GRIN2A: variants seen among roughly 807,000 people sequenced by gnomAD.
The protein encoded by GRIN2A is glutamate ionotropic receptor NMDA type subunit 2A.
Under a neutral mutation model 113.4 loss-of-function variants are expected in GRIN2A, and 22 were observed. The ratio of observed to expected loss-of-function variants is 0.19; its 90% confidence interval spans 0.14 to 0.28. The LOEUF (loss-of-function observed/expected upper bound fraction) is 0.28, where lower values mean the gene tolerates loss of function less well. GRIN2A is among the 10% of genes least tolerant of loss of function. The probability of loss-of-function intolerance (pLI) is 1.00; values close to 1 mark genes in which losing one functional copy is unlikely to be tolerated. For synonymous variants in GRIN2A, 827 were observed against 738.4 expected, an observed-to-expected ratio of 1.12 and a Z score of -1.94; for missense variants, 1,502 against 1,887.0, an observed-to-expected ratio of 0.80 and a Z score of 3.78.
chr16:9,791,049 G>A (rs375469670), intron 11 of GRIN2A, among the ~76,000 whole-genome samples: 1 of 152,174 alleles, frequency 6.6e-6, no homozygotes, highest in African/African-American at 2.4e-5. Context: ...AAAGAATTCT[G>A]ATTTTAAAAT....
intron 4 of GRIN2A, among the ~76,000 whole-genome samples, chr16:9,865,189 A>C (rs1197654402): frequency 6.6e-6 from 1 of 152,210 alleles, no homozygotes; most frequent in East Asian, 1.9e-4. Flanking sequence ...AGCTTTGCCC[A>C]GTTAAAAACG....
chr16:9,892,311 T>C (rs950291453), intron 3 of GRIN2A, among the ~76,000 whole-genome samples: 6 of 152,230 alleles, frequency 3.9e-5, no homozygotes, highest in South Asian at 2.1e-4. Flanking sequence ...ATCATGTCAA[T>C]TGAAGGCTGT....
At chr16:9,859,751 TCTC>T (rs2043031708) in intron 4 of GRIN2A, among the ~76,000 whole-genome samples, 1 of 152,070 alleles carries the variant, frequency 6.6e-6, no homozygotes, top group African/African-American at 2.4e-5. Flanking sequence ...CTGGAATTCT[TCTC>T]CTTATTATCT....
In GRIN2A at chr16:10,121,096, T is replaced by G. The variant is rs533085044; in HGVS notation, c.414+58902A>C. The stretch of plus-strand genomic sequence containing the variant: ...TATACTTTCATCGGTCCAACACTCT[T>G]GGTCAAAGCAGCAATCCACAGCAAG... On this transcript the variant is annotated intron_variant, in intron 2 of 12. Coordinates refer to ENST00000330684, the MANE Select transcript of GRIN2A (RefSeq NM_001134407.3). 4.6e-5 allele frequency among the ~76,000 whole-genome samples: 7 copies of G among 152,284 alleles called. No homozygotes were observed. The South Asian group carries it at 1.5e-3, about 32-fold the overall frequency.
intron 2 of GRIN2A, among the ~76,000 whole-genome samples, chr16:10,134,879 T>G: frequency 6.6e-6 from 1 of 152,260 alleles, no homozygotes; most frequent in East Asian, 1.9e-4. Flanking sequence ...ATACCTAATC[T>G]CTTCAAAGAG....
At chr16:9,847,530 A>G (rs2042793597) in intron 5 of GRIN2A, among the ~76,000 whole-genome samples, 1 of 151,916 alleles carries the variant, frequency 6.6e-6, no homozygotes, top group South Asian at 2.1e-4. Context: ...ACACCACTGC[A>G]CTCCAGCCTG....
chr16:10,058,425 A>C (rs767189202), intron 2 of GRIN2A, among the ~76,000 whole-genome samples: 15 of 152,252 alleles, frequency 9.9e-5, no homozygotes, highest in Non-Finnish European at 2.2e-4. Flanking sequence ...ATGCTAAATC[A>C]CAAGATCTGT....
At chr16:10,150,750 C>T (rs2049551619) in intron 2 of GRIN2A, among the ~76,000 whole-genome samples, 1 of 152,134 alleles carries the variant, frequency 6.6e-6, no homozygotes, top group South Asian at 2.1e-4. Flanking sequence ...TTTATCCATC[C>T]ACAGCACTCT....
chr16:10,111,904 C>A (rs775597564), intron 2 of GRIN2A: 13 of 842,052 alleles, frequency 1.5e-5, no homozygotes, highest in Non-Finnish European at 2.6e-5. Context: ...CACCACCCTC[C>A]TCAGTGAGGT....
intron 2 of GRIN2A, among the ~76,000 whole-genome samples, chr16:9,967,254 T>C (rs2045573667): frequency 6.6e-6 from 1 of 152,226 alleles, no homozygotes; most frequent in Non-Finnish European, 1.5e-5. Flanking sequence ...CACGGAATAC[T>C]ATTCAGTCAT....
chr16:10,097,475 T>C (rs571218582), intron 2 of GRIN2A, among the ~76,000 whole-genome samples: 1 of 152,278 alleles, frequency 6.6e-6, no homozygotes, highest in South Asian at 2.1e-4. Context: ...AGGAAAGGAA[T>C]GGAGTCTCCA....
rs58903398 is a variant in GRIN2A, at chr16:9,755,855, G to GAA, written c.*7292_*7293dup. On this transcript the variant is annotated 3_prime_UTR_variant, in exon 13 of 13. Coordinates refer to ENST00000330684, the MANE Select transcript of GRIN2A (RefSeq NM_001134407.3). The stretch of plus-strand genomic sequence containing the variant: ...ATTATCTCTAAGACAATTTGGAAAA[G>GAA]AAAAAAAAAAAGGAACAGACCAAGA... 23 of 172,198 alleles carry GAA rather than the reference G, an allele frequency of 1.3e-4. No homozygotes were observed. Among genetic ancestry groups the GAA allele is most frequent in the African/African-American group, 1.5e-4 (6 of 39,266 alleles). 10.7% of individuals were successfully genotyped at this position (172,198 alleles called of 1,614,324 possible). A position where few individuals can be genotyped will look rare whatever the true frequency, so the allele number is the denominator to read the frequency against.
chr16:10,131,124 G>T (rs922830984), intron 2 of GRIN2A, among the ~76,000 whole-genome samples: 1 of 152,210 alleles, frequency 6.6e-6, no homozygotes, highest in Admixed American at 6.5e-5. Flanking sequence ...AGCGGCAGGG[G>T]CTGATCAAGA....
chr16:10,030,387 T>G (rs2046906644), intron 2 of GRIN2A, among the ~76,000 whole-genome samples: 1 of 152,168 alleles, frequency 6.6e-6, no homozygotes, highest in African/African-American at 2.4e-5. Flanking sequence ...CACTGCCTCC[T>G]TGGAAGACAC....
rs1900417383 is a variant in GRIN2A at position 9,757,823 on chromosome 16, GA to G, written c.*5325del. The G allele has an allele frequency of 2.7e-5, 6 of 223,808 alleles. No individual in the cohort carries two copies. The South Asian group carries it at 1.1e-3, about 41-fold the overall frequency. The allele number at this position is 223,808 out of a possible 1,614,324, so 13.9% of individuals were successfully genotyped here. ...ACAGGGATTGTGAGGGAGTTTAAAG[GA>G]AAACCAAATTCAAAGAAGCATGGGT... On this transcript the variant is annotated 3_prime_UTR_variant, in exon 13 of 13. Transcript: ENST00000330684.
intron 11 of GRIN2A, among the ~76,000 whole-genome samples, chr16:9,772,660 G>A (rs1295027258): frequency 2.0e-5 from 3 of 152,126 alleles, no homozygotes; most frequent in Non-Finnish European, 4.4e-5. Flanking sequence ...ACAGGCGTGA[G>A]CCACCGTGCT....
chr16:10,015,268 A>AG (rs1457204337), intron 2 of GRIN2A, among the ~76,000 whole-genome samples: 23 of 111,136 alleles, frequency 2.1e-4, no homozygotes, highest in Middle Eastern at 9.0e-3. Context: ...AAAAAAAAAA[A>AG]AAAGAAAAAA....
intron 2 of GRIN2A, among the ~76,000 whole-genome samples, chr16:9,960,606 T>C (rs2045419428): frequency 6.6e-6 from 1 of 152,218 alleles, no homozygotes; most frequent in Non-Finnish European, 1.5e-5. Context: ...GTAATTTTTC[T>C]TTTTTATACA....
chr16:9,913,625 G>A (rs2044186817), intron 3 of GRIN2A, among the ~76,000 whole-genome samples: 1 of 152,166 alleles, frequency 6.6e-6, no homozygotes, highest in Admixed American at 6.5e-5. Context: ...AGCAGCTAAT[G>A]CATTCAATTG....
Sources: allele counts gnomAD v4.1 joint callset (sites outside exome capture counted in the v4.1 genomes callset), GRCh38; gene constraint gnomAD v4.1.1; transcripts MANE v1.5; gene names NCBI Gene and HGNC (gene_info 2026-07-23, HGNC 2026-07-21).